Variants in NSMCE2 observed in about 807,000 individuals in gnomAD.
NSMCE2 encodes the protein NSE2 SUMO ligase component of SMC5/6 complex.
A neutral mutation model predicts 23.8 loss-of-function variants in NSMCE2; 24 were observed. That is an observed-to-expected ratio of 1.01 (90% CI 0.73 to 1.42). The LOEUF (loss-of-function observed/expected upper bound fraction) is 1.42, where lower values mean the gene tolerates loss of function less well. NSMCE2 is among the 40% of genes most tolerant of loss of function. The pLI is 0.00. For synonymous variants in NSMCE2, 92 were observed against 94.1 expected (o/e 0.98, Z 0.13); for missense variants, 284 against 296.5 (o/e 0.96, Z 0.31).
chr8:125,151,794 A>G (rs1446119770), intron 4 of NSMCE2, among the ~76,000 whole-genome samples: 2 of 152,212 alleles, frequency 1.3e-5, no homozygotes, highest in Admixed American at 6.5e-5. Context: ...CACAGGAACA[A>G]CACATAAGGC....
At chr8:125,267,897 A>G (rs1192638512) in intron 5 of NSMCE2, among the ~76,000 whole-genome samples, 1 of 152,118 alleles carries the variant, frequency 6.6e-6, no homozygotes, top group Non-Finnish European at 1.5e-5. Flanking sequence ...TTAGGAAGGA[A>G]AGAGAAAGCA....
rs532386044 is a variant in NSMCE2 at position 125,307,400 on chromosome 8, G to A, written c.419-49819G>A. Among the ~76,000 whole-genome samples, 13 of 152,350 alleles carry A rather than the reference G, an allele frequency of 8.5e-5. No homozygotes were observed. The East Asian group carries it at 2.5e-3, about 29-fold the overall frequency. On this transcript the variant is annotated intron_variant, in intron 5 of 7. Transcript: ENST00000287437. Reference sequence around the variant, plus strand: ...TTGTCTGTTTCATAATGTGTTGTCAGATCAGAAAGGGAATGTGATTCTTTT... The same window carrying A: ...TTGTCTGTTTCATAATGTGTTGTCAAATCAGAAAGGGAATGTGATTCTTTT...
intron 4 of NSMCE2, chr8:125,155,988 A>G (rs1563685181): frequency 8.8e-6 from 4 of 453,250 alleles, no homozygotes; most frequent in Non-Finnish European, 1.8e-5. Context: ...GATAAAATAT[A>G]TATCCTCTCA....
intron 5 of NSMCE2, among the ~76,000 whole-genome samples, chr8:125,231,199 T>A (rs996525181): frequency 1.3e-5 from 2 of 152,200 alleles, no homozygotes; most frequent in African/African-American, 4.8e-5. Flanking sequence ...AAGATGCTTA[T>A]AGTTGTTTTA....
At chr8:125,224,277 T>C (rs945812124) in intron 5 of NSMCE2, among the ~76,000 whole-genome samples, 9 of 152,268 alleles carry the variant, frequency 5.9e-5, no homozygotes, top group African/African-American at 2.2e-4. Flanking sequence ...TTCATTCTGT[T>C]GTTTCCTTTA....
At chr8:125,216,082 C>A (rs1286141336) in intron 5 of NSMCE2, among the ~76,000 whole-genome samples, 1 of 152,134 alleles carries the variant, frequency 6.6e-6, no homozygotes, top group Non-Finnish European at 1.5e-5. Flanking sequence ...AAAAATTGTC[C>A]TTTTGTGTCT....
At chr8:125,120,964 C>T (rs891392293) in intron 3 of NSMCE2, among the ~76,000 whole-genome samples, 3 of 152,180 alleles carry the variant, frequency 2.0e-5, no homozygotes, top group Non-Finnish European at 4.4e-5. Flanking sequence ...GCACATCTGC[C>T]ATAACGAAGG....
intron 4 of NSMCE2, among the ~76,000 whole-genome samples, chr8:125,155,252 C>T (rs1415468255): frequency 2.0e-5 from 3 of 152,142 alleles, no homozygotes; most frequent in African/African-American, 7.2e-5. Flanking sequence ...TTTGGAGACT[C>T]CTTCTGGAGG....
chr8:125,094,019 G>A (rs1473172335), intron 1 of NSMCE2, among the ~76,000 whole-genome samples: 2 of 151,732 alleles, frequency 1.3e-5, no homozygotes, highest in Non-Finnish European at 2.9e-5. Context: ...GCCCAGGCTG[G>A]TCTTAAACTC....
At chr8:125,297,893 A>C (rs1370201063) in intron 5 of NSMCE2, among the ~76,000 whole-genome samples, 4 of 152,194 alleles carry the variant, frequency 2.6e-5, no homozygotes, top group Admixed American at 2.0e-4. Flanking sequence ...TGTATCAGAA[A>C]ATGAATACAT....
At chr8:125,357,423 A>C in intron 6 of NSMCE2, 104 bp downstream of exon 6, 1 of 827,598 alleles carries the variant, frequency 1.2e-6, no homozygotes, top group Non-Finnish European at 2.0e-6. Context: ...GGAGTTAAGG[A>C]GGGAGTAAAG....
chr8:125,262,096 CAAAAT>C (rs10654840), intron 5 of NSMCE2, among the ~76,000 whole-genome samples: 39 of 143,016 alleles, frequency 2.7e-4, no homozygotes, highest in Admixed American at 5.0e-4. Flanking sequence ...GACTCTGTCT[CAAAAT>C]AAAATAAAAT....
intron 5 of NSMCE2, among the ~76,000 whole-genome samples, chr8:125,288,611 C>T (rs1827988078): frequency 6.6e-6 from 1 of 152,150 alleles, no homozygotes; most frequent in Non-Finnish European, 1.5e-5. Context: ...AAACTCTTCT[C>T]TCACTTTGGT....
At chr8:125,335,569 C>T (rs1020224212) in intron 5 of NSMCE2, among the ~76,000 whole-genome samples, 19 of 152,132 alleles carry the variant, frequency 1.2e-4, no homozygotes, top group African/African-American at 4.3e-4. Flanking sequence ...CCATTATTGT[C>T]TATAAACAAA....
intron 5 of NSMCE2, among the ~76,000 whole-genome samples, chr8:125,338,886 A>C (rs73704936): frequency 0.033 from 5,081 of 152,292 alleles, 260 homozygotes; most frequent in African/African-American, 0.12. Flanking sequence ...TTAGCATCTC[A>C]GTTTAGGCCA....
At chr8:125,124,490 C>CT (rs1819420402) in intron 3 of NSMCE2, among the ~76,000 whole-genome samples, 1 of 151,934 alleles carries the variant, frequency 6.6e-6, no homozygotes, top group East Asian at 1.9e-4. Flanking sequence ...CTCTCTCTCT[C>CT]TCTCTCTCAA....
In NSMCE2 at chr8:125,338,563, A is replaced by T. The variant is rs564052864; in HGVS notation, c.419-18656A>T. On this transcript the variant is annotated intron_variant, in intron 5 of 7. Coordinates refer to ENST00000287437, the MANE Select transcript of NSMCE2 (RefSeq NM_173685.4). ...TTTTCTGAATTTCGTTAGCAGTAGC[A>T]ACAAACATTTCATCATAACCTCAGA... Among the ~76,000 whole-genome samples, 8 of 152,350 alleles carry T rather than the reference A, an allele frequency of 5.3e-5. No homozygotes were observed. The South Asian group carries it at 1.4e-3, about 28-fold the overall frequency.
intron 5 of NSMCE2, among the ~76,000 whole-genome samples, chr8:125,215,320 C>T (rs1824531408): frequency 6.7e-6 from 1 of 149,988 alleles, no homozygotes; most frequent in Admixed American, 6.6e-5. Flanking sequence ...CGATAGTTTA[C>T]TGAGAATGAT....
intron 5 of NSMCE2, among the ~76,000 whole-genome samples, chr8:125,253,452 G>T (rs1288358699): frequency 6.6e-6 from 1 of 152,186 alleles, no homozygotes; most frequent in East Asian, 1.9e-4. Flanking sequence ...ATATACCTTA[G>T]ATGCAGAGTT....
Sources: gnomAD v4.1 joint callset for allele counts (sites outside exome capture counted in the v4.1 genomes callset) on GRCh38, gnomAD v4.1.1 for gene constraint, MANE v1.5 for transcripts, NCBI Gene and HGNC (gene_info 2026-07-23, HGNC 2026-07-21) for gene names.